The following LCP2 variants were observed in gnomAD, a reference collection of about 807,000 sequenced individuals.
LCP2 encodes the protein 76 kDa tyrosine phosphoprotein.
Under a neutral mutation model 74.5 loss-of-function variants are expected in LCP2, and 29 were observed. The ratio of observed to expected loss-of-function variants is 0.39; its 90% CI spans 0.29 to 0.53. The LOEUF (loss-of-function observed/expected upper bound fraction) is 0.53. LCP2 is among the 20% of genes least tolerant of loss of function. The pLI, the probability that LCP2 is intolerant of heterozygous loss-of-function variation, is 0.72. For synonymous variants in LCP2, 228 were observed against 229.5 expected (o/e 0.99, Z 0.06); for missense variants, 604 against 634.6 (o/e 0.95, Z 0.52).
intron 3 of LCP2, chr5:170,287,736 G>A (rs942815350): frequency 5.3e-6 from 3 of 570,974 alleles, no homozygotes; most frequent in African/African-American, 3.8e-5. Context: ...GGCCAGAGTT[G>A]GGCTTGTTTT....
At chr5:170,280,363 A>G (rs1320494283) in intron 3 of LCP2, among the ~76,000 whole-genome samples, 1 of 151,420 alleles carries the variant, frequency 6.6e-6, no homozygotes, top group Non-Finnish European at 1.5e-5. Flanking sequence ...TCCCACTCTC[A>G]GCCCTGCTCT....
intron 14 of LCP2, among the ~76,000 whole-genome samples, chr5:170,260,112 A>G (rs963299881): frequency 2.6e-5 from 4 of 152,160 alleles, no homozygotes; most frequent in Admixed American, 2.6e-4. Context: ...GAATGACTCT[A>G]TTCTGTGTCC....
chr5:170,246,503 T>C lies in LCP2; in HGVS notation c.*2194A>G, dbSNP rs1761297986. ...GTGACTTGGAAGCACATAGTTGGAA[T>C]AGATTTCAGGGATCCCACTAATTTG... On this transcript the variant is annotated 3_prime_UTR_variant, in exon 21 of 21. Coordinates refer to ENST00000046794, the MANE Select transcript of LCP2 (RefSeq NM_005565.5). 1 of 160,554 alleles carries C rather than the reference T, an allele frequency of 6.2e-6. No individual in the cohort carries two copies. The highest frequency in any genetic ancestry group is 1.4e-5 in the Non-Finnish European group (1 of 73,100). 9.9% of individuals were successfully genotyped at this position (160,554 alleles called of 1,614,324 possible).
At position 170,261,459 on chromosome 5, in the gene LCP2, GTA is replaced by G. The variant is rs112523793; in HGVS notation, c.927-324_927-323del. 1.9e-3 allele frequency among the ~76,000 whole-genome samples: 291 copies of G among 150,196 alleles called. 2 individuals are homozygous for G. Among genetic ancestry groups the G allele is most frequent in the Non-Finnish European group, 2.9e-3 (194 of 67,496 alleles). On this transcript the variant is annotated intron_variant, in intron 13 of 20. Transcript: ENST00000046794. ...ATGTATATGTACACACACACTATATGTATATACACACACACACACACACACAT... is the reference window on the plus strand; with the variant it reads ...ATGTATATGTACACACACACTATATGTATACACACACACACACACACACAT...
intron 2 of LCP2, among the ~76,000 whole-genome samples, chr5:170,290,595 G>T (rs114477891): frequency 0.012 from 1,829 of 152,284 alleles, 45 homozygotes; most frequent in African/African-American, 0.042. Flanking sequence ...ATGGAGATAT[G>T]ATGCCTAAAG....
At chr5:170,259,777 T>A (rs979703409) in intron 14 of LCP2, among the ~76,000 whole-genome samples, 1 of 152,192 alleles carries the variant, frequency 6.6e-6, no homozygotes, top group African/African-American at 2.4e-5. Context: ...GTTGGCCAAC[T>A]GGGAGTCCCA....
At chr5:170,281,585 G>A (rs568220311) in intron 3 of LCP2, among the ~76,000 whole-genome samples, 1 of 152,316 alleles carries the variant, frequency 6.6e-6, no homozygotes, top group African/African-American at 2.4e-5. Flanking sequence ...TTCTTTAACA[G>A]GCATGAGAAT....
At chr5:170,267,804 G>A (rs1761795960) in intron 8 of LCP2, among the ~76,000 whole-genome samples, 1 of 152,116 alleles carries the variant, frequency 6.6e-6, no homozygotes, top group African/African-American at 2.4e-5. Flanking sequence ...TTAAATAAGT[G>A]AATCCTGCAT....
chr5:170,272,592 A>ATTTTTTTTTTTTTTTT (rs1761913090), intron 6 of LCP2, among the ~76,000 whole-genome samples: 1 of 34,312 alleles, frequency 2.9e-5, no homozygotes, highest in Non-Finnish European at 6.8e-5. Flanking sequence ...CCCATCAAAT[A>ATTTTTTTTTTTTTTTT]TTTTCTTTTT....
At chr5:170,255,263 C>T (rs774927177) in intron 17 of LCP2, among the ~76,000 whole-genome samples, 4 of 152,220 alleles carry the variant, frequency 2.6e-5, no homozygotes, top group Non-Finnish European at 5.9e-5. Flanking sequence ...GTGGGTGCCA[C>T]TGGCGTCAGC....
intron 2 of LCP2, among the ~76,000 whole-genome samples, chr5:170,293,091 A>G (rs1447286918): frequency 1.3e-5 from 2 of 152,190 alleles, no homozygotes; most frequent in East Asian, 3.8e-4. Context: ...TGTTTACTAT[A>G]CTTGGATTCC....
intron 19 of LCP2, chr5:170,252,058 A>G: frequency 1.0e-5 from 2 of 197,462 alleles, no homozygotes; most frequent in Non-Finnish European, 1.1e-5. Flanking sequence ...GTCCTTTCAC[A>G]TCAACATGGA....
chr5:170,248,883 GT>G, intron 20 of LCP2, 64 bp from the exon 21 acceptor site: 2 of 1,546,754 alleles, frequency 1.3e-6, no homozygotes, highest in Non-Finnish European at 8.9e-7. Context: ...TTCACTTTCA[GT>G]TTTTTTATCT....
intron 11 of LCP2, 25 bp from the exon 12 acceptor site, chr5:170,262,886 T>C (rs548169597): frequency 1.2e-6 from 2 of 1,613,948 alleles, no homozygotes; most frequent in South Asian, 1.1e-5. Flanking sequence ...GAAAAATGTA[T>C]GAGTGTCCAA....
intron 1 of LCP2, among the ~76,000 whole-genome samples, chr5:170,296,699 C>G (rs953578379): frequency 6.6e-6 from 1 of 152,202 alleles, no homozygotes; most frequent in African/African-American, 2.4e-5. Context: ...CAAGCAGATG[C>G]GTTGTCCCCT....
At position 170,289,897 on chromosome 5, in the gene LCP2, A is replaced by G. The variant is rs114332804; in HGVS notation, c.142-1881T>C. Reference sequence around the variant, plus strand: ...GCTGCCAGAGGGGTGGCGGCTGAGCACTGAGCAGCTGGCCACCAGCTTCTG... The same window carrying G: ...GCTGCCAGAGGGGTGGCGGCTGAGCGCTGAGCAGCTGGCCACCAGCTTCTG... On this transcript the variant is annotated intron_variant, in intron 2 of 20. Coordinates refer to ENST00000046794, the MANE Select transcript of LCP2 (RefSeq NM_005565.5). Among the ~76,000 whole-genome samples, 518 of 151,824 alleles carry G rather than the reference A, an allele frequency of 3.4e-3. 1 individual carries two copies. Among genetic ancestry groups the G allele is most frequent in the African/African-American group, 0.012 (487 of 41,358 alleles).
chr5:170,258,532 T>C (rs1561967875), intron 15 of LCP2: 5 of 358,808 alleles, frequency 1.4e-5, no homozygotes, highest in African/African-American at 2.0e-5. Context: ...TGCTATCTCA[T>C]TCATTGGCAG....
intron 14 of LCP2, among the ~76,000 whole-genome samples, chr5:170,259,135 G>A (rs776298042): frequency 3.9e-5 from 6 of 152,076 alleles, no homozygotes; most frequent in Admixed American, 1.3e-4. Context: ...TAGATTCTGA[G>A]GTGCCTAAAA....
intron 6 of LCP2, among the ~76,000 whole-genome samples, chr5:170,272,199 C>A (rs1363560926): frequency 6.6e-6 from 1 of 152,210 alleles, no homozygotes; most frequent in East Asian, 1.9e-4. Context: ...CAGCTCTTTA[C>A]CCCATCAACC....
Sources: gnomAD v4.1 joint callset for allele counts (sites outside exome capture counted in the v4.1 genomes callset) on GRCh38, gnomAD v4.1.1 for gene constraint, MANE v1.5 for transcripts, NCBI Gene and HGNC (gene_info 2026-07-23, HGNC 2026-07-21) for gene names.